The following ZNF287 variants were observed in gnomAD, a reference collection of about 807,000 sequenced individuals.
ZNF287 encodes zinc finger protein with KRAB and SCAN domains 13.
A neutral mutation model predicts 73.7 loss-of-function variants in ZNF287; 31 were observed. The ratio of observed to expected loss-of-function variants is 0.42; its 90% CI spans 0.32 to 0.57. The LOEUF (loss-of-function observed/expected upper bound fraction) is 0.57, where lower values mean the gene tolerates loss of function less well. ZNF287 is among the 20% of genes least tolerant of loss of function. The pLI, the probability that ZNF287 is intolerant of heterozygous loss-of-function variation, is 0.13. For missense variants in ZNF287, 641 were observed against 909.3 expected (o/e 0.70, Z 3.79); for synonymous variants, 301 against 307.2 (o/e 0.98, Z 0.21).
rs571471725 is a variant in ZNF287, at chr17:16,550,656, T to G, written c.*1200A>C. On this transcript the variant is annotated 3_prime_UTR_variant, in exon 6 of 6. Coordinates refer to ENST00000395825, the MANE Select transcript of ZNF287 (RefSeq NM_020653.4). ...CATCACTCTAGAAATCTTTCTGTTGTGTAAACCACCTGTGATTTTCAGCAC... is the reference window on the plus strand; with the variant it reads ...CATCACTCTAGAAATCTTTCTGTTGGGTAAACCACCTGTGATTTTCAGCAC... Among the ~76,000 whole-genome samples, 1 of 152,332 alleles carries G rather than the reference T, an allele frequency of 6.6e-6. No homozygotes were observed. Among genetic ancestry groups the G allele is most frequent in the Non-Finnish European group, 1.5e-5 (1 of 68,018 alleles).
At chr17:16,563,609 T>A (rs1907573397) in intron 4 of ZNF287, 90 bp downstream of exon 4, 1 of 1,409,898 alleles carries the variant, frequency 7.1e-7, no homozygotes, top group Admixed American at 2.2e-5. Context: ...CATTTATTTC[T>A]GGACCCCATT....
chr17:16,567,599 T>G lies in ZNF287; in HGVS notation c.133A>C (p.Thr45Pro). 1 of 1,614,224 alleles carries G rather than the reference T, an allele frequency of 6.2e-7. No individual in the cohort carries two copies. ...CTAAAATTCTGTCGACAGGTCTCAG[T>G]GTCACGCAAGAATCTTGAAGTAAGG... Reference protein sequence around the residue: ...EILTSRFLRDTETCRQNFRNF... With the variant: ...EILTSRFLRDPETCRQNFRNF... Residue 45 changes from threonine (T) to proline (P), a missense_variant, in exon 2 of 6, where the codon ACT (threonine) becomes CCT (proline). Thr to Pro is a conservative substitution (Grantham distance 38). Coordinates refer to ENST00000395825, the MANE Select transcript of ZNF287 (RefSeq NM_020653.4).
chr17:16,566,492 C>A, intron 3 of ZNF287, 33 bp downstream of exon 3: 1 of 1,577,892 alleles, frequency 6.3e-7, no homozygotes, highest in Non-Finnish European at 8.7e-7. Context: ...ACTAAGAAGG[C>A]ATTTTAAAAT....
intron 3 of ZNF287, 97 bp downstream of exon 3, chr17:16,566,428 A>G: frequency 2.1e-6 from 2 of 965,776 alleles, no homozygotes; most frequent in Admixed American, 2.4e-5. Flanking sequence ...AGTCCTTGAT[A>G]GAGCTTCTGG....
chr17:16,566,439 G>A (rs1907745840), intron 3 of ZNF287, 86 bp downstream of exon 3: 1 of 1,080,906 alleles, frequency 9.3e-7, no homozygotes, highest in East Asian at 2.5e-5. Flanking sequence ...GAGCTTCTGG[G>A]GGCACAGTAG....
chr17:16,562,988 G>A (rs182684345), intron 5 of ZNF287, among the ~76,000 whole-genome samples, 158 bp downstream of exon 5: 1 of 152,334 alleles, frequency 6.6e-6, no homozygotes, highest in Admixed American at 6.5e-5. Context: ...TTCCTGAAGA[G>A]GCCTCTGTAA....
intron 2 of ZNF287, 49 bp from the exon 3 acceptor site, chr17:16,566,671 C>T: frequency 1.5e-6 from 2 of 1,367,656 alleles, no homozygotes; most frequent in South Asian, 1.3e-5. Flanking sequence ...TTCTGAATAG[C>T]CTAGGAAACC....
chr17:16,553,268 T>G lies in ZNF287; in HGVS notation c.874A>C (p.Arg292=). ...AGGACTGACTTCAAACTGAAACCTC[T>G]TTCATCAGTGTGAATTTTCCAGAAG... ...GGFWKIHTDE[R]GFSLKSVLSQ... The change falls in exon 6 of 6, where the codon AGA becomes CGA. Residue 292 remains arginine, a synonymous_variant. Transcript: ENST00000395825. 6.2e-7 allele frequency: 1 copy of G among 1,613,886 alleles called. No individual in the cohort carries two copies. The highest frequency in any genetic ancestry group is 1.1e-5 in the South Asian group (1 of 91,062).
At chr17:16,562,951 T>C (rs1390768472) in intron 5 of ZNF287, among the ~76,000 whole-genome samples, 195 bp downstream of exon 5, 1 of 152,126 alleles carries the variant, frequency 6.6e-6, no homozygotes, top group East Asian at 1.9e-4. Context: ...ACGGGAAAAG[T>C]GTGTTAACAG....
intron 3 of ZNF287, among the ~76,000 whole-genome samples, chr17:16,564,368 T>C (rs1484936344): frequency 1.3e-5 from 2 of 152,090 alleles, no homozygotes; most frequent in African/African-American, 2.4e-5. Flanking sequence ...ATCTGGCTAA[T>C]TTTTAATTTT....
At position 16,553,272 on chromosome 17, in the gene ZNF287, A is replaced by G. The variant is rs1299021443; in HGVS notation, c.870T>C (p.Asp290=). Residue 290 remains aspartate (D), a synonymous_variant, in exon 6 of 6, where the codon GAT becomes GAC. Coordinates refer to ENST00000395825, the MANE Select transcript of ZNF287 (RefSeq NM_020653.4). Reference sequence around the variant, plus strand: ...CTGACTTCAAACTGAAACCTCTTTCATCAGTGTGAATTTTCCAGAAGCCAC... The same window carrying G: ...CTGACTTCAAACTGAAACCTCTTTCGTCAGTGTGAATTTTCCAGAAGCCAC... ...GKGGFWKIHT[D]ERGFSLKSVL... is the part of the protein sequence containing the mutation. The G allele has an allele frequency of 6.2e-7, 1 of 1,613,874 alleles. No homozygotes were observed.
At position 16,567,405 on chromosome 17, in the gene ZNF287, T is replaced by G; in HGVS notation, c.327A>C (p.Val109=). The change falls in exon 2 of 6, where the codon GTA becomes GTC. Residue 109 remains valine, a synonymous_variant. Coordinates refer to ENST00000395825, the MANE Select transcript of ZNF287 (RefSeq NM_020653.4). ...CGCTGCTCTCTGGATACTGGGACTT[T>G]ACCCAAGTCCTAACCTCACCAGGCA... ...TILPGEVRTW[V]KSQYPESSEE... 6.2e-7 allele frequency: 1 copy of G among 1,614,190 alleles called. No individual in the cohort carries two copies. Among genetic ancestry groups the G allele is most frequent in the Non-Finnish European group, 8.5e-7 (1 of 1,180,034 alleles).
chr17:16,559,397 T>A (rs145102712), intron 5 of ZNF287: 1 of 152,240 alleles, frequency 6.6e-6, no homozygotes, highest in East Asian at 1.9e-4. Flanking sequence ...ACTATTTTTG[T>A]GTGTAACATA....
At position 16,566,229 on chromosome 17, in the gene ZNF287, T is replaced by C. The variant is rs184563916; in HGVS notation, c.501+296A>G. On this transcript the variant is annotated intron_variant, in intron 3 of 5. Transcript: ENST00000395825. ...TTGTCCCAAATTGCAGTTCCAATGG[T>C]AGAGCCGGGAAACAAAACCTAAATC... is the stretch of plus-strand genomic sequence containing the variant. Among the ~76,000 whole-genome samples, 514 of 152,290 alleles carry C rather than the reference T, an allele frequency of 3.4e-3. 3 individuals are homozygous for C. Among genetic ancestry groups the C allele is most frequent in the African/African-American group, 0.012 (488 of 41,550 alleles).
chr17:16,560,579 A>G (rs1342802261), intron 5 of ZNF287, among the ~76,000 whole-genome samples: 1 of 150,484 alleles, frequency 6.6e-6, no homozygotes, highest in Non-Finnish European at 1.5e-5. Context: ...TGAACTCCTG[A>G]CTTCGTGATC....
rs1023403606 is a variant in ZNF287 at position 16,548,668 on chromosome 17, C to T, written c.*3188G>A. 2.0e-5 allele frequency among the ~76,000 whole-genome samples: 3 copies of T among 151,912 alleles called. No homozygotes were observed. Among genetic ancestry groups the T allele is most frequent in the Non-Finnish European group, 2.9e-5 (2 of 67,966 alleles). ...CAAAGAAATTAGCCGGGCGTGGTGG[C>T]GGGTGTCTGTAGTCCCAGCTACTCG... On this transcript the variant is annotated 3_prime_UTR_variant, in exon 6 of 6. Transcript: ENST00000395825.
rs1242610265 is a variant in ZNF287, at chr17:16,547,065, G to A, written c.*4791C>T. Reference sequence around the variant, plus strand: ...AACAGAGGAGTAAGAATACATTTTCGGGCACATGCAAGTGAACTGACACCA... The same window carrying A: ...AACAGAGGAGTAAGAATACATTTTCAGGCACATGCAAGTGAACTGACACCA... On this transcript the variant is annotated 3_prime_UTR_variant, in exon 6 of 6. Coordinates refer to ENST00000395825, the MANE Select transcript of ZNF287 (RefSeq NM_020653.4). 6.6e-6 allele frequency among the ~76,000 whole-genome samples: 1 copy of A among 152,130 alleles called. No individual in the cohort carries two copies. Among genetic ancestry groups the A allele is most frequent in the African/African-American group, 2.4e-5 (1 of 41,414 alleles).
chr17:16,559,885 A>G (rs1235037151), intron 5 of ZNF287, among the ~76,000 whole-genome samples: 1 of 152,246 alleles, frequency 6.6e-6, no homozygotes, highest in African/African-American at 2.4e-5. Flanking sequence ...CATCAAAAAC[A>G]CAAAATAAAA....
Position 16,552,001 on chromosome 17 carries a change from C to A in ZNF287, c.2141G>T (p.Ser714Ile). 6.2e-7 allele frequency: 1 copy of A among 1,614,120 alleles called. No individual in the cohort carries two copies. The highest frequency in any genetic ancestry group is 8.5e-7 in the Non-Finnish European group (1 of 1,179,998). Reference sequence around the variant, plus strand: ...GTGTTGAATAAGGCATGTTCTCTGGCTAAAATCCTTATCACATTCATTACA... The same window carrying A: ...GTGTTGAATAAGGCATGTTCTCTGGATAAAATCCTTATCACATTCATTACA... Reference protein sequence around the residue: ...YKCNECDKDFSQRTCLIQHQR... With the variant: ...YKCNECDKDFIQRTCLIQHQR... The change falls in exon 6 of 6, where the codon AGC becomes ATC. Residue 714 changes from serine (S) to isoleucine (I), a missense_variant. Ser to Ile is a moderately radical substitution (Grantham distance 142). Coordinates refer to ENST00000395825, the MANE Select transcript of ZNF287 (RefSeq NM_020653.4). The surrounding 1 kb of genome is among the most constrained non-coding windows in gnomAD (Gnocchi z 6.5).
Sources: gnomAD v4.1 joint callset for allele counts (sites outside exome capture counted in the v4.1 genomes callset) on GRCh38, gnomAD v4.1.1 for gene constraint, Gnocchi (gnomAD v3.1) non-coding constraint, MANE v1.5 for transcripts, NCBI Gene and HGNC (gene_info 2026-07-23, HGNC 2026-07-21) for gene names.